Variants in FAR2 observed in about 807,000 individuals in gnomAD.
FAR2 encodes the protein fatty acyl-CoA reductase 2.
FAR2 carries 19 observed loss-of-function variants against 56.0 expected under a neutral mutation model. The observed-to-expected ratio is 0.34, with a 90% CI of 0.24 to 0.50. FAR2 has a LOEUF of 0.50. FAR2 is among the 20% of genes least tolerant of loss of function. The pLI is 0.98. For synonymous variants in FAR2, 219 were observed against 218.8 expected (o/e 1.00, Z -0.01); for missense variants, 508 against 642.2 (o/e 0.79, Z 2.26).
At chr12:29,310,924 G>A (rs1435969112) in intron 6 of FAR2, 104 bp from the exon 7 acceptor site, 4 of 843,398 alleles carry the variant, frequency 4.7e-6, no homozygotes, top group Non-Finnish European at 8.0e-6. Flanking sequence ...AATGTTAGCT[G>A]TTTTCACTTA....
intron 1 of FAR2, among the ~76,000 whole-genome samples, chr12:29,172,296 A>G (rs1356190813): frequency 6.6e-6 from 1 of 152,272 alleles, no homozygotes; most frequent in East Asian, 1.9e-4. Flanking sequence ...GCAACCTTCC[A>G]AGTGTTAAGT....
At position 29,333,809 on chromosome 12, in the gene FAR2, C is replaced by G; in HGVS notation, c.*15C>G. On this transcript the variant is annotated 3_prime_UTR_variant, in exon 12 of 12. Transcript: ENST00000536681. ...TCAAAGTTTAAGAGCATTTAGCCAT[C>G]GCTTTTTATCTGGAACCTCTCAGAT... The G allele has an allele frequency of 6.2e-7, 1 of 1,610,698 alleles. No homozygotes were observed.
intron 1 of FAR2, among the ~76,000 whole-genome samples, chr12:29,175,710 A>C (rs1949931638): frequency 1.3e-5 from 2 of 152,086 alleles, no homozygotes; most frequent in Admixed American, 1.3e-4. Context: ...CAGAGTGCTG[A>C]TTTGGTGCGT....
rs1443568347 is a variant in FAR2 at position 29,225,837 on chromosome 12, CCAAA to C, written c.-38-44570_-38-44567del. ...AAAATGATTGCAGCTTTCTTCATTT[CCAAA>C]CAAAGGACTATGGTTTGGAAATAAC... On this transcript the variant is annotated intron_variant, in intron 1 of 11. Transcript: ENST00000536681. 2.0e-5 allele frequency among the ~76,000 whole-genome samples: 3 copies of C among 152,186 alleles called. No individual in the cohort carries two copies. In the East Asian group the frequency reaches 5.8e-4, roughly 29 times the overall value.
At chr12:29,310,892 A>C in intron 6 of FAR2, 136 bp from the exon 7 acceptor site, 1 of 673,440 alleles carries the variant, frequency 1.5e-6, no homozygotes, top group Admixed American at 2.3e-5. Flanking sequence ...ACTTAGCATA[A>C]GAACCTGGTA....
intron 1 of FAR2, among the ~76,000 whole-genome samples, chr12:29,206,146 C>A (rs766263231): frequency 8.5e-5 from 13 of 152,286 alleles, no homozygotes; most frequent in Middle Eastern, 6.8e-3. Flanking sequence ...TGAGGACCAC[C>A]CAAAGATCCA....
At chr12:29,155,620 G>A (rs544324639) in intron 1 of FAR2, among the ~76,000 whole-genome samples, 1 of 152,264 alleles carries the variant, frequency 6.6e-6, no homozygotes, top group South Asian at 2.1e-4. Flanking sequence ...ATAATATTCT[G>A]TGACATGGGA....
intron 2 of FAR2, among the ~76,000 whole-genome samples, chr12:29,285,393 G>A (rs1045771552): frequency 1.3e-5 from 2 of 151,924 alleles, no homozygotes; most frequent in African/African-American, 2.4e-5. Flanking sequence ...TTTACGCCCC[G>A]CCCCTCCAAA....
At chr12:29,294,629 C>T (rs1217763128) in intron 3 of FAR2, among the ~76,000 whole-genome samples, 3 of 152,178 alleles carry the variant, frequency 2.0e-5, no homozygotes, top group East Asian at 1.9e-4. Context: ...GGATTACAGG[C>T]GTGAGCCACT....
At chr12:29,149,590 C>G (rs1052331079) in intron 1 of FAR2, among the ~76,000 whole-genome samples, 183 bp downstream of exon 1, 4 of 152,220 alleles carry the variant, frequency 2.6e-5, no homozygotes, top group Non-Finnish European at 5.9e-5. Flanking sequence ...TGCGGAGGCT[C>G]TGCCCCCTGA....
At chr12:29,228,702 C>T (rs1224041838) in intron 1 of FAR2, among the ~76,000 whole-genome samples, 1 of 152,194 alleles carries the variant, frequency 6.6e-6, no homozygotes, top group African/African-American at 2.4e-5. Context: ...ATTCTCCCAC[C>T]TCATACTCCT....
intron 1 of FAR2, among the ~76,000 whole-genome samples, chr12:29,208,583 G>A (rs1416727999): frequency 5.9e-5 from 9 of 152,226 alleles, no homozygotes; most frequent in Non-Finnish European, 1.0e-4. Flanking sequence ...CACAAGAAGT[G>A]TAATTCTGCG....
chr12:29,229,551 A>G (rs1947821759), intron 1 of FAR2, among the ~76,000 whole-genome samples: 1 of 152,162 alleles, frequency 6.6e-6, no homozygotes, highest in Non-Finnish European at 1.5e-5. Flanking sequence ...TTGTTACTTA[A>G]CTCATTTATT....
At chr12:29,295,342 G>A (rs1398354530) in intron 3 of FAR2, among the ~76,000 whole-genome samples, 1 of 152,080 alleles carries the variant, frequency 6.6e-6, no homozygotes, top group Non-Finnish European at 1.5e-5. Flanking sequence ...CTAAAGTGCT[G>A]GGATTACAGG....
intron 1 of FAR2, among the ~76,000 whole-genome samples, chr12:29,205,909 T>C (rs909793898): frequency 2.3e-4 from 35 of 152,226 alleles, no homozygotes; most frequent in African/African-American, 7.9e-4. Flanking sequence ...TATGAAAAGC[T>C]GATTTTTAAA....
intron 10 of FAR2, among the ~76,000 whole-genome samples, chr12:29,325,348 GAA>G (rs1480322267): frequency 1.3e-5 from 2 of 152,130 alleles, no homozygotes; most frequent in Non-Finnish European, 2.9e-5. Context: ...CAATGACACA[GAA>G]AGTTAACAAG....
chr12:29,227,813 G>T (rs1169048910), intron 1 of FAR2, among the ~76,000 whole-genome samples: 1 of 150,948 alleles, frequency 6.6e-6, no homozygotes, highest in African/African-American at 2.4e-5. Flanking sequence ...CCTTGTTTTA[G>T]ACTTAACACT....
At chr12:29,249,307 T>C (rs1339796126) in intron 1 of FAR2, among the ~76,000 whole-genome samples, 2 of 152,190 alleles carry the variant, frequency 1.3e-5, no homozygotes, top group Non-Finnish European at 2.9e-5. Flanking sequence ...CCGTTTGGGG[T>C]CCCTGACTTC....
intron 2 of FAR2, among the ~76,000 whole-genome samples, chr12:29,290,188 G>C (rs1305058311): frequency 1.3e-5 from 2 of 152,162 alleles, no homozygotes; most frequent in East Asian, 3.9e-4. Context: ...GCTCATGCCT[G>C]TAATCCCAGC....
Sources: gnomAD v4.1 joint callset for allele counts (sites outside exome capture counted in the v4.1 genomes callset) on GRCh38, gnomAD v4.1.1 for gene constraint, MANE v1.5 for transcripts, NCBI Gene and HGNC (gene_info 2026-07-23, HGNC 2026-07-21) for gene names.